SCN8A: variants seen among roughly 807,000 people sequenced by gnomAD.
The protein encoded by SCN8A is sodium voltage-gated channel alpha subunit 8.
A neutral mutation model predicts 184.1 loss-of-function variants in SCN8A; 30 were observed. The observed-to-expected ratio is 0.16, with a 90% CI of 0.12 to 0.22. The LOEUF (loss-of-function observed/expected upper bound fraction) is 0.22. Ranked by LOEUF, SCN8A falls within the 10% of genes least tolerant of loss-of-function variation. The probability of loss-of-function intolerance (pLI) is 1.00; values close to 1 mark genes in which losing one functional copy is unlikely to be tolerated. For synonymous variants in SCN8A, 852 were observed against 907.0 expected (o/e 0.94, Z 1.09); for missense variants, 1,057 against 2,498.9 (o/e 0.42, Z 12.30).
intron 14 of SCN8A, 130 bp from the exon 15 acceptor site, chr12:51,762,373 T>A (rs1219797186): frequency 2.4e-6 from 2 of 833,124 alleles, no homozygotes; most frequent in African/African-American, 3.5e-5. Context: ...CAGGTATTGA[T>A]ATCTTCAGAT....
At chr12:51,677,560 T>G (rs901615626) in intron 2 of SCN8A, among the ~76,000 whole-genome samples, 1 of 152,180 alleles carries the variant, frequency 6.6e-6, no homozygotes, top group Non-Finnish European at 1.5e-5. Flanking sequence ...ATGGACGTGC[T>G]CTACCTGGCC....
intron 11 of SCN8A, among the ~76,000 whole-genome samples, chr12:51,712,302 C>CTG (rs1941891719): frequency 6.6e-6 from 1 of 152,200 alleles, no homozygotes. Flanking sequence ...CCTGTTTAAG[C>CTG]TGCAGTAACT....
At chr12:51,620,826 TAA>T (rs1175853460) in intron 1 of SCN8A, among the ~76,000 whole-genome samples, 2 of 143,970 alleles carry the variant, frequency 1.4e-5, no homozygotes, top group Non-Finnish European at 3.1e-5. Flanking sequence ...CATCTCTATT[TAA>T]AAAAAAAAAA....
chr12:51,794,513 G>T lies in SCN8A; in HGVS notation c.4667G>T (p.Trp1556Leu). 1 of 1,613,960 alleles carries T rather than the reference G, an allele frequency of 6.2e-7. No individual in the cohort carries two copies. Among genetic ancestry groups the T allele is most frequent in the Non-Finnish European group, 8.5e-7 (1 of 1,179,880 alleles). Residue 1556 changes from tryptophan (W) to leucine (L), a missense_variant, in exon 26 of 27, where the codon TGG becomes TTG. By Grantham distance (61) the Trp-to-Leu change is moderately conservative. Around this residue, in one of 19 missense-constraint regions of SCN8A, gnomAD observed 34 missense variants for 64.0 expected, o/e 0.53. Coordinates refer to ENST00000627620, the MANE Select transcript of SCN8A (RefSeq NM_001330260.2). ...QSKQMENILY[W>L]INLVFVIFFT... ...AAGCAGATGGAGAACATCCTCTACTGGATTAACCTGGTGTTTGTTATCTTC... is the reference window on the plus strand; with the variant it reads ...AAGCAGATGGAGAACATCCTCTACTTGATTAACCTGGTGTTTGTTATCTTC...
intron 14 of SCN8A, among the ~76,000 whole-genome samples, 154 bp from the exon 15 acceptor site, chr12:51,762,349 G>C (rs951689165): frequency 6.6e-6 from 1 of 152,162 alleles, no homozygotes; most frequent in East Asian, 1.9e-4. Flanking sequence ...CAGGTGGGGT[G>C]CTCATGAGAC....
intron 1 of SCN8A, among the ~76,000 whole-genome samples, chr12:51,621,143 G>A (rs945506926): frequency 6.6e-6 from 1 of 152,222 alleles, no homozygotes; most frequent in African/African-American, 2.4e-5. Context: ...ATAGAGTAAT[G>A]CAGTAGAGGA....
At chr12:51,624,753 G>A (rs985765616) in intron 1 of SCN8A, among the ~76,000 whole-genome samples, 11 of 152,066 alleles carry the variant, frequency 7.2e-5, no homozygotes, top group Admixed American at 2.6e-4. Context: ...TAGGTCTAAC[G>A]TTTAAGTCTT....
chr12:51,597,675 T>C (rs1317014208), intron 1 of SCN8A, among the ~76,000 whole-genome samples: 2 of 152,152 alleles, frequency 1.3e-5, no homozygotes, highest in African/African-American at 4.8e-5. Flanking sequence ...AATCTGTTCT[T>C]CTCTCCTTAT....
At chr12:51,771,495 T>C in intron 19 of SCN8A, among the ~76,000 whole-genome samples, 1 of 151,436 alleles carries the variant, frequency 6.6e-6, no homozygotes, top group Non-Finnish European at 1.5e-5. Context: ...TGACAGTGAC[T>C]TGGGAAGTTT....
intron 1 of SCN8A, among the ~76,000 whole-genome samples, chr12:51,594,210 A>G (rs1328641397): frequency 2.0e-5 from 3 of 152,138 alleles, no homozygotes. Flanking sequence ...TAGGGAACTT[A>G]CTGCCACATA....
chr12:51,760,144 T>C (rs1339937279), intron 14 of SCN8A, among the ~76,000 whole-genome samples: 2 of 152,222 alleles, frequency 1.3e-5, no homozygotes, highest in East Asian at 1.9e-4. Context: ...ATTCAAACCA[T>C]AGCAGACACT....
At chr12:51,725,304 T>C (rs542512471) in intron 12 of SCN8A, among the ~76,000 whole-genome samples, 224 of 152,336 alleles carry the variant, frequency 1.5e-3, no homozygotes, top group African/African-American at 5.1e-3. Context: ...ATAGTTTGTG[T>C]GGTATGATAC....
intron 12 of SCN8A, among the ~76,000 whole-genome samples, chr12:51,744,645 A>G (rs1172920117): frequency 3.5e-5 from 5 of 142,686 alleles, no homozygotes; most frequent in South Asian, 2.2e-4. Flanking sequence ...TGAGGTCTCT[A>G]TGTTGCCCAG....
At position 51,808,127 on chromosome 12, in the gene SCN8A, A is replaced by G. The variant is rs1938771262; in HGVS notation, c.*698A>G. 1 of 161,804 alleles carries G rather than the reference A, an allele frequency of 6.2e-6. No homozygotes were observed. The highest frequency in any genetic ancestry group is 5.6e-5 in the Admixed American group (1 of 17,766). The allele number at this position is 161,804 out of a possible 1,614,324, so 10.0% of individuals were successfully genotyped here. On this transcript the variant is annotated 3_prime_UTR_variant, in exon 27 of 27. Transcript: ENST00000627620. The stretch of plus-strand genomic sequence containing the variant: ...AAGTCATGCATGAGATCCATACACC[A>G]CAGGACACTACTAATCTAGTCCCTT...
intron 14 of SCN8A, among the ~76,000 whole-genome samples, chr12:51,762,168 C>T (rs1405613309): frequency 6.6e-6 from 1 of 152,126 alleles, no homozygotes; most frequent in Non-Finnish European, 1.5e-5. Flanking sequence ...TATATACATT[C>T]AAAATGACTG....
chr12:51,727,980 C>A (rs1272600145), intron 12 of SCN8A, among the ~76,000 whole-genome samples: 2 of 152,062 alleles, frequency 1.3e-5, no homozygotes, highest in Non-Finnish European at 2.9e-5. Context: ...TAGCCAAGAA[C>A]CTAGCCTTGA....
chr12:51,630,423 G>A (rs1055772022), intron 1 of SCN8A, among the ~76,000 whole-genome samples: 4 of 152,084 alleles, frequency 2.6e-5, no homozygotes, highest in African/African-American at 9.7e-5. Context: ...GGTGATCGAT[G>A]TTGTAGCATG....
chr12:51,712,463 T>C, intron 11 of SCN8A: 1 of 767,900 alleles, frequency 1.3e-6, no homozygotes, highest in Admixed American at 1.7e-5. Flanking sequence ...CTGCTGTTTT[T>C]AGAACCTTCT....
intron 14 of SCN8A, among the ~76,000 whole-genome samples, chr12:51,758,708 G>A (rs1942716587): frequency 6.6e-6 from 1 of 152,184 alleles, no homozygotes; most frequent in South Asian, 2.1e-4. Context: ...AAAGTGCTGG[G>A]ATTATAGGCG....
Sources: gnomAD v4.1 joint callset for allele counts (sites outside exome capture counted in the v4.1 genomes callset) on GRCh38, gnomAD v4.1.1 for gene constraint, gnomAD v4.1.1 regional missense constraint, MANE v1.5 for transcripts, NCBI Gene and HGNC (gene_info 2026-07-23, HGNC 2026-07-21) for gene names.